PHACTR3: variants seen among roughly 807,000 people sequenced by gnomAD.
PHACTR3 encodes protein phosphatase 1, regulatory subunit 123.
PHACTR3 carries 16 observed loss-of-function variants against 66.8 expected under a neutral mutation model. The ratio of observed to expected loss-of-function variants is 0.24; its 90% CI spans 0.16 to 0.36. The LOEUF (loss-of-function observed/expected upper bound fraction) is 0.36. Ranked by LOEUF, PHACTR3 falls within the 10% of genes least tolerant of loss-of-function variation. The pLI is 1.00. For missense variants in PHACTR3, 647 were observed against 719.9 expected, an observed-to-expected ratio of 0.90 and a Z score of 1.16; for synonymous variants, 323 against 292.1, an observed-to-expected ratio of 1.11 and a Z score of -1.08.
rs1331608522 is a variant in PHACTR3, at chr20:59,610,609, CA to C, written c.118+5478del. On this transcript the variant is annotated intron_variant, in intron 1 of 12. Transcript: ENST00000371015. ...AAGATTCTGTTTCCTCAGTTGTAGC[CA>C]CATTTCAAGTGTGCGGGAGCCCCAT... is the stretch of plus-strand genomic sequence containing the variant. Among the ~76,000 whole-genome samples the C allele has an allele frequency of 2.0e-5, 3 of 152,334 alleles. No individual in the cohort carries two copies. In the East Asian group the frequency reaches 5.8e-4, roughly 29 times the overall value.
chr20:59,713,898 C>A (rs761453035), intron 1 of PHACTR3, among the ~76,000 whole-genome samples: 1 of 152,054 alleles, frequency 6.6e-6, no homozygotes, highest in Admixed American at 6.5e-5. Context: ...TCTTTAATCT[C>A]CCCCACCCAC....
At chr20:59,631,864 G>A (rs908441939) in intron 1 of PHACTR3, among the ~76,000 whole-genome samples, 2 of 152,136 alleles carry the variant, frequency 1.3e-5, no homozygotes, top group South Asian at 2.1e-4. Context: ...CTGTATGAAC[G>A]GGAATGCCTG....
intron 7 of PHACTR3, among the ~76,000 whole-genome samples, chr20:59,799,982 T>G (rs1382902342): frequency 6.6e-6 from 1 of 152,194 alleles, no homozygotes; most frequent in African/African-American, 2.4e-5. Context: ...ATAGTTATAA[T>G]GGTTGCTTTA....
At chr20:59,702,507 G>A (rs1025738419) in intron 1 of PHACTR3, among the ~76,000 whole-genome samples, 9 of 152,204 alleles carry the variant, frequency 5.9e-5, no homozygotes, top group African/African-American at 2.2e-4. Context: ...CCAAGCAAAT[G>A]TCCCTCACAG....
At chr20:59,836,183 GCTTAAA>G in intron 8 of PHACTR3, 1 of 255,180 alleles carries the variant, frequency 3.9e-6, no homozygotes, top group Non-Finnish European at 7.3e-6. Context: ...TCTCCTCGCT[GCTTAAA>G]CACACTGCTC....
rs2042300489 is a variant in PHACTR3 at position 59,829,862 on chromosome 20, G to A, written c.1329-6643G>A. On this transcript the variant is annotated intron_variant, in intron 8 of 12. Coordinates refer to ENST00000371015, the MANE Select transcript of PHACTR3 (RefSeq NM_080672.5). This position sits in a 1 kb window ranked among gnomAD's most constrained non-coding sequence, Gnocchi z 4.2. ...CCTTTTCTGTGACATCTGTGCTGGG[G>A]TGAGATCAAGATTTGGGGGATGTGC... 2.0e-5 allele frequency among the ~76,000 whole-genome samples: 3 copies of A among 152,230 alleles called. No individual in the cohort carries two copies. Among genetic ancestry groups the A allele is most frequent in the Admixed American group, 1.3e-4 (2 of 15,282 alleles).
intron 1 of PHACTR3, among the ~76,000 whole-genome samples, chr20:59,581,928 T>C (rs569072911): frequency 2.0e-5 from 3 of 151,934 alleles, no homozygotes; most frequent in Non-Finnish European, 4.4e-5. Context: ...TCCATAAATA[T>C]TTTATGGGAT....
At chr20:59,693,525 T>C (rs1162226333) in intron 1 of PHACTR3, among the ~76,000 whole-genome samples, 4 of 152,222 alleles carry the variant, frequency 2.6e-5, no homozygotes, top group Non-Finnish European at 5.9e-5. Context: ...GAATCATTTA[T>C]ATAGACTCAA....
intron 1 of PHACTR3, among the ~76,000 whole-genome samples, chr20:59,645,143 T>A (rs2035238835): frequency 6.6e-6 from 1 of 152,070 alleles, no homozygotes; most frequent in South Asian, 2.1e-4. Context: ...CTGCGTTAAT[T>A]CACTCAGGAT....
chr20:59,654,794 C>T (rs554057265), intron 1 of PHACTR3, among the ~76,000 whole-genome samples: 76 of 152,204 alleles, frequency 5.0e-4, no homozygotes, highest in South Asian at 1.5e-3. Flanking sequence ...AGATCTGTCA[C>T]CATAGATTAT....
At position 59,753,783 on chromosome 20, in the gene PHACTR3, G is replaced by A. The variant is rs556957651; in HGVS notation, c.359-1399G>A. On this transcript the variant is annotated intron_variant, in intron 3 of 12. Transcript: ENST00000371015. ...GTTTGCAGGTGGTGGGACGCATGAT[G>A]GGGTGACTGTATACTGTTTGTCCAA... Among the ~76,000 whole-genome samples, 4 of 152,340 alleles carry A rather than the reference G, an allele frequency of 2.6e-5. No individual in the cohort carries two copies. The South Asian group carries it at 8.3e-4, about 32-fold the overall frequency.
intron 1 of PHACTR3, among the ~76,000 whole-genome samples, chr20:59,578,207 A>G (rs1331636545): frequency 6.6e-6 from 1 of 152,178 alleles, no homozygotes; most frequent in Non-Finnish European, 1.5e-5. Context: ...GAATCCAGAA[A>G]ATGGCCAGGG....
chr20:59,756,881 A>G (rs915187242), intron 4 of PHACTR3, among the ~76,000 whole-genome samples: 1 of 152,104 alleles, frequency 6.6e-6, no homozygotes, highest in African/African-American at 2.4e-5. Flanking sequence ...TAAACTAAAG[A>G]GCTTCTTTGC....
At chr20:59,739,914 G>T (rs974308415) in intron 1 of PHACTR3, among the ~76,000 whole-genome samples, 1 of 152,014 alleles carries the variant, frequency 6.6e-6, no homozygotes, top group Non-Finnish European at 1.5e-5. Context: ...TCAAGGTCCT[G>T]CCCTGCCACA....
intron 8 of PHACTR3, among the ~76,000 whole-genome samples, chr20:59,831,464 G>A (rs927462683): frequency 4.6e-5 from 7 of 152,182 alleles, no homozygotes; most frequent in Non-Finnish European, 1.0e-4. Context: ...GCCACACTCA[G>A]GCTTTCTCAG....
chr20:59,845,147 T>C (rs771302420), intron 11 of PHACTR3, 42 bp from the exon 12 acceptor site: 18 of 1,278,572 alleles, frequency 1.4e-5, no homozygotes, highest in Non-Finnish European at 1.0e-5. Flanking sequence ...TTCCTGATTT[T>C]TTTAATATCC....
At chr20:59,744,952 G>A (rs962985975) in intron 2 of PHACTR3, among the ~76,000 whole-genome samples, 9 of 152,168 alleles carry the variant, frequency 5.9e-5, no homozygotes, top group African/African-American at 1.9e-4. Context: ...CTAGGTGGGC[G>A]GGTTCCATTT....
intron 2 of PHACTR3, among the ~76,000 whole-genome samples, chr20:59,744,358 T>G (rs1277860190): frequency 6.6e-6 from 1 of 151,968 alleles, no homozygotes; most frequent in Non-Finnish European, 1.5e-5. Context: ...GGAGGCCGCA[T>G]CTCCACCCCA....
At chr20:59,769,476 C>G (rs956917686) in intron 5 of PHACTR3, among the ~76,000 whole-genome samples, 5 of 152,222 alleles carry the variant, frequency 3.3e-5, no homozygotes, top group African/African-American at 1.2e-4. Context: ...CGGCATCTCC[C>G]TCACAGCCTC....
Sources: gnomAD v4.1 joint callset for allele counts (sites outside exome capture counted in the v4.1 genomes callset) on GRCh38, gnomAD v4.1.1 for gene constraint, Gnocchi (gnomAD v3.1) non-coding constraint, MANE v1.5 for transcripts, NCBI Gene and HGNC (gene_info 2026-07-23, HGNC 2026-07-21) for gene names.